The following CDH24 variants were observed in gnomAD, a reference collection of about 807,000 sequenced individuals.
The protein encoded by CDH24 is cadherin-24.
Under a neutral mutation model 71.2 loss-of-function variants are expected in CDH24, and 61 were observed. That is an observed-to-expected ratio of 0.86 (90% CI 0.70 to 1.06). The LOEUF is 1.06. Among genes scored for constraint, CDH24 ranks in the 50% least tolerant of loss-of-function variants. The probability of loss-of-function intolerance (pLI) is 0.00; values close to 1 mark genes in which losing one functional copy is unlikely to be tolerated. For missense variants in CDH24, 961 were observed against 1,083.7 expected (o/e 0.89, Z 1.59); for synonymous variants, 440 against 470.2 (o/e 0.94, Z 0.83).
chr14:23,051,912 G>C lies in CDH24; in HGVS notation c.1363+561C>G. The stretch of plus-strand genomic sequence containing the variant: ...AACCCGCTGCTGGCCTGACTGATGG[G>C]GGAGACCGCATATGGAGCTGGCACT... On this transcript the variant is annotated intron_variant, in intron 8 of 12. Coordinates refer to ENST00000487137, the MANE Select transcript of CDH24 (RefSeq NM_144985.4). This position sits in a 1 kb window ranked among gnomAD's most constrained non-coding sequence, Gnocchi z 4.4. 9.9e-7 allele frequency: 1 copy of C among 1,007,074 alleles called. No individual in the cohort carries two copies. The highest frequency in any genetic ancestry group is 1.5e-6 in the Non-Finnish European group (1 of 680,294). The allele number at this position is 1,007,074 out of a possible 1,614,324, so 62.4% of individuals were successfully genotyped here. A position where few individuals can be genotyped will look rare whatever the true frequency, so the allele number is the denominator to read the frequency against.
Position 23,047,767 on chromosome 14 carries a change from A to C in CDH24, c.*213T>G. ...CCGGACAGAGGAGCGTGTCACAGAT[A>C]GAGACAAAGATTCCTGGAGAGAGAC... On this transcript the variant is annotated 3_prime_UTR_variant, in exon 12 of 13. Coordinates refer to ENST00000487137, the MANE Select transcript of CDH24 (RefSeq NM_144985.4). 1 of 362,014 alleles carries C rather than the reference A, an allele frequency of 2.8e-6. No individual in the cohort carries two copies. The highest frequency in any genetic ancestry group is 4.9e-6 in the Non-Finnish European group (1 of 203,238). 22.4% of individuals were successfully genotyped at this position (362,014 alleles called of 1,614,324 possible).
Position 23,048,367 on chromosome 14 carries a change from G to A in CDH24, c.1959C>T (p.Gly653=). The A allele has an allele frequency of 2.5e-6, 4 of 1,612,120 alleles. No homozygotes were observed. Among genetic ancestry groups the A allele is most frequent in the South Asian group, 1.1e-5 (1 of 91,068 alleles). The change falls in exon 12 of 13, where the codon GGC becomes GGT. Residue 653 remains glycine, a synonymous_variant. Transcript: ENST00000487137. Reference sequence around the variant, plus strand: ...TGTCGAAGGCCTCGGTGTCCTCCTCGCCGCCGCCCTCGTCGTCGTAGGTGA... The same window carrying A: ...TGTCGAAGGCCTCGGTGTCCTCCTCACCGCCGCCCTCGTCGTCGTAGGTGA... The part of the protein sequence containing the change: ...NIITYDDEGG[G]EEDTEAFDIT...
At position 23,054,912 on chromosome 14, in the gene CDH24, G is replaced by A. The variant is rs1477702920; in HGVS notation, c.497-46C>T. On this transcript the variant is annotated intron_variant, in intron 3 of 12. Transcript: ENST00000487137. This position sits in a 1 kb window ranked among gnomAD's most constrained non-coding sequence, Gnocchi z 5.2. Reference sequence around the variant, plus strand: ...CCATTCAGCAGCAGCAGGGAAGGATGGGGAAGAACAACCGATGGGGGGGGA... The same window carrying A: ...CCATTCAGCAGCAGCAGGGAAGGATAGGGAAGAACAACCGATGGGGGGGGA... 6.3e-7 allele frequency: 1 copy of A among 1,597,070 alleles called. No homozygotes were observed. The highest frequency in any genetic ancestry group is 1.1e-5 in the South Asian group (1 of 90,358).
chr14:23,052,253 A>G (rs1006719800), intron 8 of CDH24: 1 of 716,820 alleles, frequency 1.4e-6, no homozygotes, highest in Non-Finnish European at 2.4e-6. Flanking sequence ...GGGGACTAGG[A>G]GACCAGGAGG....
chr14:23,050,531 A>ACACACACG (rs1555368477), intron 8 of CDH24, among the ~76,000 whole-genome samples: 1 of 147,300 alleles, frequency 6.8e-6, no homozygotes, highest in African/African-American at 2.5e-5. Context: ...ACACACACAC[A>ACACACACG]CATCCCATCA....
Position 23,049,216 on chromosome 14 carries a change from A to C in CDH24, c.1657T>G (p.Leu553Val). ...RPAPPRHAPY[L>V]VPIELWDWGQ... is the part of the protein sequence containing the mutation. ...CAGTCCCACAGTTCTATGGGAACCA[A>C]GTAGGGGGCATGGCGGGGTGGAGCA... The change falls in exon 11 of 13, where the codon TTG (leucine) becomes GTG (valine). Residue 553 changes from leucine (L) to valine (V), a missense_variant. Transcript: ENST00000487137. The C allele has an allele frequency of 6.3e-7, 1 of 1,574,952 alleles. No individual in the cohort carries two copies. Among genetic ancestry groups the C allele is most frequent in the South Asian group, 1.2e-5 (1 of 86,566 alleles).
In CDH24 at chr14:23,055,091, TAGGGCCCAAGGG is replaced by T. The variant is rs781593331; in HGVS notation, c.452_463del (p.Pro151_Tyr155delinsHis). 1 of 1,612,662 alleles carries T rather than the reference TAGGGCCCAAGGG, an allele frequency of 6.2e-7. No individual in the cohort carries two copies. Among genetic ancestry groups the T allele is most frequent in the Non-Finnish European group, 8.5e-7 (1 of 1,178,908 alleles). On this transcript the variant is annotated inframe_deletion, in exon 3 of 13. Transcript: ENST00000487137. The surrounding 1 kb of genome is among the most constrained non-coding windows in gnomAD (Gnocchi z 4.1). ...GGACATCTCGGGCACGGTGGCATGG[TAGGGCCCAAGGG>T]GAAAAATGGGTGGATTGTCGTTGAT...
chr14:23,052,860 C>T (rs867278673), intron 7 of CDH24, among the ~76,000 whole-genome samples: 4 of 152,066 alleles, frequency 2.6e-5, no homozygotes, highest in Admixed American at 6.5e-5. Context: ...GGAGTAGAAG[C>T]GGGATAAACA....
intron 10 of CDH24, 71 bp downstream of exon 10, chr14:23,049,556 T>G (rs1382480225): frequency 6.2e-5 from 59 of 955,156 alleles, no homozygotes; most frequent in Non-Finnish European, 8.8e-5. Context: ...TCAGGCAGGC[T>G]GGGCTAGGGG....
rs750614510 is a variant in CDH24 at position 23,054,485 on chromosome 14, G to C, written c.784+21C>G. ...GTGGGGTGATCAAAGGATGGCTCAG[G>C]TGGCAGCAATGGCCCCTTACTCTGT... On this transcript the variant is annotated intron_variant, in intron 5 of 12. Coordinates refer to ENST00000487137, the MANE Select transcript of CDH24 (RefSeq NM_144985.4). The surrounding 1 kb of genome is among the most constrained non-coding windows in gnomAD (Gnocchi z 5.2). 6.2e-7 allele frequency: 1 copy of C among 1,606,226 alleles called. No individual in the cohort carries two copies. Among genetic ancestry groups the C allele is most frequent in the South Asian group, 1.1e-5 (1 of 90,008 alleles).
At position 23,048,112 on chromosome 14, in the gene CDH24, G is replaced by C. The variant is rs1419819219; in HGVS notation, c.2214C>G (p.Gly738=). The change falls in exon 12 of 13, where the codon GGC becomes GGG. Residue 738 remains glycine, a synonymous_variant. Coordinates refer to ENST00000487137, the MANE Select transcript of CDH24 (RefSeq NM_144985.4). Reference sequence around the variant, plus strand: ...TGCCGGAGCCCAGGGAGCTGAGGGAGCCGCAAGAGGAGCCGCGGCCCTCGT... The same window carrying C: ...TGCCGGAGCCCAGGGAGCTGAGGGACCCGCAAGAGGAGCCGCGGCCCTCGT... The part of the protein sequence containing the change: ...YGYEGRGSSC[G]SLSSLGSGSE... The C allele has an allele frequency of 3.6e-6, 5 of 1,405,952 alleles. No individual in the cohort carries two copies. The highest frequency in any genetic ancestry group is 4.6e-6 in the Non-Finnish European group (5 of 1,085,644). The allele number at this position is 1,405,952 out of a possible 1,614,324, so 87.1% of individuals were successfully genotyped here. A position where few individuals can be genotyped will look rare whatever the true frequency, so the allele number is the denominator to read the frequency against.
At chr14:23,049,321 A>C in intron 10 of CDH24, 46 bp from the exon 11 acceptor site, 1 of 1,520,898 alleles carries the variant, frequency 6.6e-7, no homozygotes, top group Non-Finnish European at 8.8e-7. Flanking sequence ...GACACCTTCC[A>C]GGTAGGGTTG....
chr14:23,053,328 G>A (rs534437516), intron 7 of CDH24, among the ~76,000 whole-genome samples, 168 bp downstream of exon 7: 4 of 152,312 alleles, frequency 2.6e-5, no homozygotes, highest in East Asian at 1.9e-4. Flanking sequence ...CAGGCCCTCC[G>A]GCTCTCCCCT....
At chr14:23,056,457 G>A (rs940863312) in intron 1 of CDH24, among the ~76,000 whole-genome samples, 6 of 152,220 alleles carry the variant, frequency 3.9e-5, no homozygotes, top group Admixed American at 3.9e-4. Flanking sequence ...GGGGACAGGG[G>A]GAGGTGACCG....
In CDH24 at chr14:23,051,204, C is replaced by A. The variant is rs191279100; in HGVS notation, c.1364-1261G>T. 6.6e-5 allele frequency among the ~76,000 whole-genome samples: 10 copies of A among 152,248 alleles called. No individual in the cohort carries two copies. The East Asian group carries it at 1.7e-3, about 26-fold the overall frequency. On this transcript the variant is annotated intron_variant, in intron 8 of 12. Transcript: ENST00000487137. The surrounding 1 kb of genome is among the most constrained non-coding windows in gnomAD (Gnocchi z 4.4). The stretch of plus-strand genomic sequence containing the variant: ...ACAGTTGCATGTATAGAAACATAAA[C>A]CTAGACACATAGCATTAAACACATT...
chr14:23,048,500 C>G (rs2047060453), intron 11 of CDH24, 21 bp from the exon 12 acceptor site: 3 of 1,599,378 alleles, frequency 1.9e-6, no homozygotes, highest in East Asian at 2.2e-5. Context: ...GGCGCGCACA[C>G]AGGCCCTGAG....
In CDH24 at chr14:23,047,942, T is replaced by C; in HGVS notation, c.*38A>G. The C allele has an allele frequency of 7.9e-7, 1 of 1,269,060 alleles. No individual in the cohort carries two copies. Among genetic ancestry groups the C allele is most frequent in the Non-Finnish European group, 9.9e-7 (1 of 1,006,492 alleles). The allele number at this position is 1,269,060 out of a possible 1,614,324, so 78.6% of individuals were successfully genotyped here. On this transcript the variant is annotated 3_prime_UTR_variant, in exon 12 of 13. Coordinates refer to ENST00000487137, the MANE Select transcript of CDH24 (RefSeq NM_144985.4). ...GCTCACTCAGAGGGCCTGTGCCCGC[T>C]GCCCCCCCCCCGCGGTGGGCCGGGC...
rs777292946 is a variant in CDH24, at chr14:23,054,338, A to G, written c.785-10T>C. 1.9e-6 allele frequency: 3 copies of G among 1,570,762 alleles called. No individual in the cohort carries two copies. Among genetic ancestry groups the G allele is most frequent in the Non-Finnish European group, 2.6e-6 (3 of 1,154,916 alleles). On this transcript the variant is annotated splice_polypyrimidine_tract_variant and intron_variant, in intron 5 of 12. Transcript: ENST00000487137. This position sits in a 1 kb window ranked among gnomAD's most constrained non-coding sequence, Gnocchi z 5.2. Reference sequence around the variant, plus strand: ...GAGAACTGGTATAGGCCTTGGGATGACAGAGGGGAGACACCTTCTCAGAGA... The same window carrying G: ...GAGAACTGGTATAGGCCTTGGGATGGCAGAGGGGAGACACCTTCTCAGAGA...
chr14:23,051,644 A>G lies in CDH24; in HGVS notation c.1363+829T>C, dbSNP rs2047085868. On this transcript the variant is annotated intron_variant, in intron 8 of 12. Coordinates refer to ENST00000487137, the MANE Select transcript of CDH24 (RefSeq NM_144985.4). The surrounding 1 kb of genome is among the most constrained non-coding windows in gnomAD (Gnocchi z 4.4). Reference sequence around the variant, plus strand: ...CAAATATATATTTGTGTATATCTACATACTTTCCCCACATTTGGAATTATA... The same window carrying G: ...CAAATATATATTTGTGTATATCTACGTACTTTCCCCACATTTGGAATTATA... 6.6e-6 allele frequency among the ~76,000 whole-genome samples: 1 copy of G among 152,224 alleles called. No individual in the cohort carries two copies. The highest frequency in any genetic ancestry group is 6.5e-5 in the Admixed American group (1 of 15,280).
Sources: allele counts gnomAD v4.1 joint callset (sites outside exome capture counted in the v4.1 genomes callset), GRCh38; gene constraint gnomAD v4.1.1; non-coding constraint Gnocchi (gnomAD v3.1); transcripts MANE v1.5; gene names NCBI Gene and HGNC (gene_info 2026-07-23, HGNC 2026-07-21).